Variants in PDIA2 observed in about 807,000 individuals in gnomAD.
PDIA2 encodes protein disulfide isomerase family A member 2.
PDIA2 carries 76 observed loss-of-function variants against 51.1 expected under a neutral mutation model. That is an observed-to-expected ratio of 1.49 (90% CI 1.24 to 1.80). The LOEUF is 1.80. Ranked by LOEUF, PDIA2 falls within the 40% of genes most tolerant of loss-of-function variation. The pLI is 0.00. For missense variants in PDIA2, 946 were observed against 706.5 expected, an observed-to-expected ratio of 1.34 and a Z score of -3.84; for synonymous variants, 429 against 309.9, an observed-to-expected ratio of 1.38 and a Z score of -4.04.
rs929528706 is a variant in PDIA2, at chr16:284,592, A to G, written c.405A>G (p.Thr135=). 14 of 1,611,058 alleles carry G rather than the reference A, an allele frequency of 8.7e-6. No individual in the cohort carries two copies. The highest frequency in any genetic ancestry group is 1.1e-5 in the Non-Finnish European group (13 of 1,179,532). ...ACCGCACGCACCCGGAGGAGTACACAGGTGAGGGGCAGGCCGGTCATTGGG... is the reference window on the plus strand; with the variant it reads ...ACCGCACGCACCCGGAGGAGTACACGGGTGAGGGGCAGGCCGGTCATTGGG... ...NGNRTHPEEY[T]GPRDAEGIAE... Residue 135 remains threonine, a splice_region_variant and synonymous_variant, in exon 2 of 11, where the codon ACA becomes ACG. Transcript: ENST00000219406.
At position 283,285 on chromosome 16, in the gene PDIA2, C is replaced by G; in HGVS notation, c.116C>G (p.Pro39Arg). The part of the protein sequence containing the change: ...PSEEPPEEEI[P>R]KEDGILVLSR... ...GAGGAGCCTCCAGAGGAGGAAATCC[C>G]CAAGGAGGATGGGATCTTGGTGCTG... is the stretch of plus-strand genomic sequence containing the variant. Residue 39 changes from proline (P) to arginine (R), a missense_variant, in exon 1 of 11, where the codon CCC becomes CGC. By Grantham distance (103) the Pro-to-Arg change is moderately radical. Coordinates refer to ENST00000219406, the MANE Select transcript of PDIA2 (RefSeq NM_006849.4). The G allele has an allele frequency of 6.2e-7, 1 of 1,611,066 alleles. No individual in the cohort carries two copies. Among genetic ancestry groups the G allele is most frequent in the African/African-American group, 1.3e-5 (1 of 74,962 alleles).
Position 284,708 on chromosome 16 carries a change from G to T in PDIA2, c.456G>T (p.Gly152=), listed in dbSNP as rs746574567. ...CCGAGTGGCTGCGACGGCGGGTGGG[G>T]CCCAGTGCCATGCGGCTGGAGGACG... The part of the protein sequence containing the change: ...GIAEWLRRRV[G]PSAMRLEDEA... Residue 152 remains glycine (G), a synonymous_variant, in exon 3 of 11, where the codon GGG becomes GGT. Transcript: ENST00000219406. 2.1e-5 allele frequency: 33 copies of T among 1,577,504 alleles called. No homozygotes were observed. The highest frequency in any genetic ancestry group is 5.3e-5 in the Admixed American group (3 of 56,962).
At chr16:284,260 G>A (rs1358575189) in intron 1 of PDIA2, 127 bp from the exon 2 acceptor site, 44 of 974,306 alleles carry the variant, frequency 4.5e-5, no homozygotes, top group Admixed American at 6.2e-5. Context: ...ACTGGTGCTC[G>A]GCTTGTCCAC....
At chr16:283,505 C>A in intron 1 of PDIA2, 137 bp downstream of exon 1, 1 of 940,580 alleles carries the variant, frequency 1.1e-6, no homozygotes, top group Non-Finnish European at 1.5e-6. Context: ...CCACTGTGCC[C>A]AGGAGCTCTC....
chr16:284,331 G>A (rs1298700630), intron 1 of PDIA2, 56 bp from the exon 2 acceptor site: 8 of 1,482,908 alleles, frequency 5.4e-6, no homozygotes, highest in Non-Finnish European at 7.3e-6. Flanking sequence ...GTCAGGTGTG[G>A]AGAGGGTGCT....
In PDIA2 at chr16:287,096, T is replaced by G; in HGVS notation, c.1561T>G (p.Ser521Ala). 1 of 1,612,590 alleles carries G rather than the reference T, an allele frequency of 6.2e-7. No homozygotes were observed. The highest frequency in any genetic ancestry group is 8.5e-7 in the Non-Finnish European group (1 of 1,179,914). ...GCCACCGGCCAACTCCACTATGGGGTCCAAGGAGGAACTGTAGCTGCCCCC... is the reference window on the plus strand; with the variant it reads ...GCCACCGGCCAACTCCACTATGGGGGCCAAGGAGGAACTGTAGCTGCCCCC... ...PEPPANSTMG[S>A]KEEL Residue 521 changes from serine (S) to alanine (A), a missense_variant, in exon 11 of 11, where the codon TCC (serine) becomes GCC (alanine). Ser to Ala is a moderately conservative substitution (Grantham distance 99). Coordinates refer to ENST00000219406, the MANE Select transcript of PDIA2 (RefSeq NM_006849.4).
chr16:286,677 C>A lies in PDIA2; in HGVS notation c.1364C>A (p.Ala455Asp). Residue 455 changes from alanine (A) to aspartate (D), a missense_variant, in exon 9 of 11, where the codon GCC becomes GAC. Coordinates refer to ENST00000219406, the MANE Select transcript of PDIA2 (RefSeq NM_006849.4). The stretch of plus-strand genomic sequence containing the variant: ...GATGCCACGGCCAACGAGCTGGATG[C>A]CTTCGCTGTGCACGGCTTCCCTACT... ...ELDATANELD[A>D]FAVHGFPTLK... 6.2e-7 allele frequency: 1 copy of A among 1,612,916 alleles called. No individual in the cohort carries two copies. Among genetic ancestry groups the A allele is most frequent in the Non-Finnish European group, 8.5e-7 (1 of 1,179,992 alleles).
intron 7 of PDIA2, among the ~76,000 whole-genome samples, 153 bp downstream of exon 7, chr16:285,856 T>C (rs1216795831): frequency 9.0e-6 from 1 of 111,484 alleles, no homozygotes; most frequent in African/African-American, 4.3e-5. Context: ...CCGGCGGTTC[T>C]CCCAACCCCA....
At position 284,996 on chromosome 16, in the gene PDIA2, CTG is replaced by C. The variant is rs868281531; in HGVS notation, c.662_663del (p.Val221GlyfsTer7). ...CAGCAGTTTGGCCTCACCAAGGACA[CTG>C]TGGTTCTCTTCAAGAAGGTAGGTCA... On this transcript the variant is annotated frameshift_variant, in exon 4 of 11. Transcript: ENST00000219406. LOFTEE classifies it high-confidence loss of function. The C allele has an allele frequency of 1.7e-5, 28 of 1,613,286 alleles. No homozygotes were observed. Among genetic ancestry groups the C allele is most frequent in the South Asian group, 2.2e-5 (2 of 91,092 alleles).
At position 284,928 on chromosome 16, in the gene PDIA2, C is replaced by T. The variant is rs778388794; in HGVS notation, c.591C>T (p.Ala197=). 15 of 1,613,236 alleles carry T rather than the reference C, an allele frequency of 9.3e-6. No individual in the cohort carries two copies. The highest frequency in any genetic ancestry group is 2.5e-6 in the Non-Finnish European group (3 of 1,179,968). ...CCTTCTTGGCCTTGGCCCAGGACGC[C>T]CTGGACATGACCTTTGGCCTCACAG... ...VATFLALAQD[A]LDMTFGLTDR... Residue 197 remains alanine (A), a synonymous_variant, in exon 4 of 11, where the codon GCC becomes GCT. Transcript: ENST00000219406.
chr16:284,331 G>T, intron 1 of PDIA2, 56 bp from the exon 2 acceptor site: 1 of 1,482,908 alleles, frequency 6.7e-7, no homozygotes, highest in Non-Finnish European at 9.1e-7. Context: ...GTCAGGTGTG[G>T]AGAGGGTGCT....
chr16:286,938 C>T lies in PDIA2; in HGVS notation c.1526C>T (p.Pro509Leu), dbSNP rs762035501. 125 of 1,599,578 alleles carry T rather than the reference C, an allele frequency of 7.8e-5. 1 individual carries two copies. The highest frequency in any genetic ancestry group is 1.2e-4 in the African/African-American group (9 of 74,132). The change falls in exon 10 of 11, where the codon CCG becomes CTG. Residue 509 changes from proline (P) to leucine (L), a missense_variant. Coordinates refer to ENST00000219406, the MANE Select transcript of PDIA2 (RefSeq NM_006849.4). ...GAGCCCCCGGAGGAGCCAGCAGCCC[C>T]GTTCCCGGTGGGTGTCCCTAAGCCA... ...TEEPPEEPAAPFPEPPANSTM... is the reference protein window; with the variant it reads ...TEEPPEEPAALFPEPPANSTM...
intron 10 of PDIA2, 36 bp downstream of exon 10, chr16:286,981 A>G: frequency 6.2e-7 from 1 of 1,610,558 alleles, no homozygotes; most frequent in African/African-American, 1.3e-5. Flanking sequence ...AGGCCTCTGC[A>G]CAAATCCTCT....
chr16:283,590 G>C (rs2052314331), intron 1 of PDIA2, among the ~76,000 whole-genome samples: 1 of 152,210 alleles, frequency 6.6e-6, no homozygotes, highest in Non-Finnish European at 1.5e-5. Flanking sequence ...CAGGACTTGA[G>C]AACACCTGTG....
Position 285,645 on chromosome 16 carries a change from C to T in PDIA2, c.1061C>T (p.Pro354Leu), listed in dbSNP as rs760509474. 11 of 1,613,194 alleles carry T rather than the reference C, an allele frequency of 6.8e-6. No individual in the cohort carries two copies. In the East Asian group the frequency reaches 2.0e-4, roughly 29 times the overall value. Reference protein sequence around the residue: ...TKKYAPVDGGPVTAASITAFC... With the variant: ...TKKYAPVDGGLVTAASITAFC... ...AAGTATGCGCCTGTGGATGGGGGCC[C>T]TGTCACCGCAGCGTCCATCACTGCT... The change falls in exon 7 of 11, where the codon CCT becomes CTT. Residue 354 changes from proline (P) to leucine (L), a missense_variant. Pro to Leu is a moderately conservative substitution (Grantham distance 98, BLOSUM62 -3). Transcript: ENST00000219406.
rs2052381118 is a variant in PDIA2, at chr16:286,460, G to A, written c.1227G>A (p.Val409=). The change falls in exon 8 of 11, where the codon GTG becomes GTA. Residue 409 remains valine, a synonymous_variant. Transcript: ENST00000219406. ...TGGCTTTTGACGAAACCAAGAATGT[G>A]TTTGTCAAGTTCTGTGAGTGTTGAG... ...EQVAFDETKN[V]FVKFYAPWCT... 2 of 1,613,184 alleles carry A rather than the reference G, an allele frequency of 1.2e-6. No homozygotes were observed. Among genetic ancestry groups the A allele is most frequent in the East Asian group, 2.2e-5 (1 of 44,838 alleles).
intron 1 of PDIA2, 52 bp from the exon 2 acceptor site, chr16:284,335 G>T: frequency 6.7e-7 from 1 of 1,491,782 alleles, no homozygotes; most frequent in South Asian, 1.2e-5. Flanking sequence ...GGTGTGGAGA[G>T]GGTGCTCCTG....
Position 285,155 on chromosome 16 carries a change from C to G in PDIA2, c.750C>G (p.Phe250Leu). 6.2e-7 allele frequency: 1 copy of G among 1,613,076 alleles called. No homozygotes were observed. Among genetic ancestry groups the G allele is most frequent in the East Asian group, 2.2e-5 (1 of 44,884 alleles). ...LGLDLGDLSRFLVTHSMRLVT... is the reference protein window; with the variant it reads ...LGLDLGDLSRLLVTHSMRLVT... The stretch of plus-strand genomic sequence containing the variant: ...TGGACCTGGGGGATCTGTCGCGCTT[C>G]CTGGTCACACACAGCATGCGCCTGG... Residue 250 changes from phenylalanine to leucine, a missense_variant, in exon 5 of 11, where the codon TTC (phenylalanine) becomes TTG (leucine). Coordinates refer to ENST00000219406, the MANE Select transcript of PDIA2 (RefSeq NM_006849.4).
chr16:285,510 T>C lies in PDIA2; in HGVS notation c.926T>C (p.Leu309Pro), dbSNP rs201756210. 3 of 1,612,906 alleles carry C rather than the reference T, an allele frequency of 1.9e-6. No homozygotes were observed. Among genetic ancestry groups the C allele is most frequent in the East Asian group, 2.2e-5 (1 of 44,878 alleles). ...EAAPRFRGQV[L>P]FVVVDVAADN... is the part of the protein sequence containing the mutation. ...AGCATGGACTCCCTGCCACAGGTGC[T>C]GTTCGTGGTGGTGGACGTGGCGGCC... is the stretch of plus-strand genomic sequence containing the variant. Residue 309 changes from leucine to proline, a missense_variant, in exon 7 of 11, where the codon CTG (leucine) becomes CCG (proline). Leu to Pro is a moderately conservative substitution (Grantham distance 98). Transcript: ENST00000219406.
Sources: allele counts gnomAD v4.1 joint callset (sites outside exome capture counted in the v4.1 genomes callset), GRCh38; gene constraint gnomAD v4.1.1; transcripts MANE v1.5; gene names NCBI Gene and HGNC (gene_info 2026-07-23, HGNC 2026-07-21).